Variants in BTD observed in about 807,000 individuals in gnomAD.
BTD encodes biocytinase.
Under a neutral mutation model 17.7 loss-of-function variants are expected in BTD, and 13 were observed. The observed-to-expected ratio is 0.74, with a 90% CI of 0.48 to 1.17. The LOEUF (loss-of-function observed/expected upper bound fraction) is 1.17, where lower values mean the gene tolerates loss of function less well. Ranked by LOEUF, BTD falls within the 50% of genes most tolerant of loss-of-function variation. BTD has a pLI of 0.00. For synonymous variants in BTD, 240 were observed against 245.2 expected (o/e 0.98, Z 0.20); for missense variants, 674 against 650.4 (o/e 1.04, Z -0.39).
At chr3:15,680,323 G>C (rs1193524340) in intron 3 of BTD, among the ~76,000 whole-genome samples, 1 of 151,986 alleles carries the variant, frequency 6.6e-6, no homozygotes, top group Non-Finnish European at 1.5e-5. Flanking sequence ...TCCTGTCTCA[G>C]CCTCCCAAGT....
At chr3:15,702,697 T>C (rs2070785644) in intron 3 of BTD, among the ~76,000 whole-genome samples, 1 of 152,114 alleles carries the variant, frequency 6.6e-6, no homozygotes, top group South Asian at 2.1e-4. Context: ...ATGTGTCCCA[T>C]GGCTAGTCAG....
At chr3:15,618,599 C>T (rs1020304952) in intron 1 of BTD, among the ~76,000 whole-genome samples, 1 of 152,100 alleles carries the variant, frequency 6.6e-6, no homozygotes, top group South Asian at 2.1e-4. Flanking sequence ...GATCTCGGCT[C>T]ACTGCAAGCT....
chr3:15,616,472 C>T lies in BTD; in HGVS notation c.-17+14578C>T, dbSNP rs536396416. The stretch of plus-strand genomic sequence containing the variant: ...CTCTACTAAAAATACAAAAATTAGC[C>T]GGTCGTGGTGGCAGGCGCCTGTAAT... On this transcript the variant is annotated intron_variant, in intron 1 of 3. Transcript: ENST00000643237. 2.6e-5 allele frequency among the ~76,000 whole-genome samples: 4 copies of T among 152,018 alleles called. No individual in the cohort carries two copies. The South Asian group carries it at 8.3e-4, about 32-fold the overall frequency.
At chr3:15,654,682 C>T (rs1216409907), downstream of BTD, among the ~76,000 whole-genome samples, 1 of 151,980 alleles carries the variant, frequency 6.6e-6, no homozygotes, top group Non-Finnish European at 1.5e-5. Flanking sequence ...AGCGATTCTC[C>T]TTCCTCAGCC....
chr3:15,698,508 A>T (rs1368107630), intron 3 of BTD, among the ~76,000 whole-genome samples: 1 of 152,224 alleles, frequency 6.6e-6, no homozygotes, highest in Non-Finnish European at 1.5e-5. Context: ...CTCAGCTCAA[A>T]ATCTCCTTAA....
intron 3 of BTD, among the ~76,000 whole-genome samples, chr3:15,698,129 G>C (rs1559358375): frequency 6.6e-6 from 1 of 151,830 alleles, no homozygotes; most frequent in African/African-American, 2.4e-5. Flanking sequence ...CATTAGTCTT[G>C]CTAGCGGTCT....
At chr3:15,705,432 A>C (rs1205623927) in intron 3 of BTD, among the ~76,000 whole-genome samples, 7 of 152,184 alleles carry the variant, frequency 4.6e-5, no homozygotes, top group Admixed American at 4.6e-4. Flanking sequence ...CTCTCAGCGG[A>C]ATCTGGATCA....
At chr3:15,720,964 G>A in intron 4 of BTD, 1 of 1,613,808 alleles carries the variant, frequency 6.2e-7, no homozygotes. Flanking sequence ...TAAACACAAT[G>A]CTCCATGTGT....
downstream of BTD, among the ~76,000 whole-genome samples, chr3:15,716,075 C>T (rs187496190): frequency 3.6e-4 from 54 of 151,414 alleles, no homozygotes; most frequent in Admixed American, 1.3e-3. Flanking sequence ...CTCCGCCTCC[C>T]GGGTTCAAGT....
Position 15,686,464 on chromosome 3 carries a change from C to T in BTD, c.400-23596C>T, listed in dbSNP as rs928134519. Reference sequence around the variant, plus strand: ...ACTATAGGTAAAAAGAAGGTTTCTACGGCCTTTGACTGTTAAAGCTGGAAT... The same window carrying T: ...ACTATAGGTAAAAAGAAGGTTTCTATGGCCTTTGACTGTTAAAGCTGGAAT... On this transcript the variant is annotated intron_variant, in intron 3 of 3. Coordinates refer to the BTD transcript ENST00000672141. 8.9e-5 allele frequency: 57 copies of T among 642,136 alleles called. 1 individual carries two copies. Among genetic ancestry groups the T allele is most frequent in the Middle Eastern group, 8.4e-4 (2 of 2,372 alleles). 39.8% of individuals were successfully genotyped at this position (642,136 alleles called of 1,614,324 possible).
intron 4 of BTD, among the ~76,000 whole-genome samples, chr3:15,719,920 G>C (rs909524651): frequency 6.6e-6 from 1 of 151,948 alleles, no homozygotes; most frequent in Non-Finnish European, 1.5e-5. Context: ...ACCCAGGCTG[G>C]AGGGCAGTAG....
rs2065819874 is a variant in BTD, at chr3:15,652,442, G to T, written c.*6954G>T. Among the ~76,000 whole-genome samples the T allele has an allele frequency of 6.6e-6, 1 of 152,186 alleles. No individual in the cohort carries two copies. The highest frequency in any genetic ancestry group is 2.1e-4 in the South Asian group (1 of 4,828). On this transcript the variant is annotated 3_prime_UTR_variant, in exon 4 of 4. Coordinates refer to ENST00000643237, the MANE Select transcript of BTD (RefSeq NM_001370658.1). Reference sequence around the variant, plus strand: ...GGATCCCTATGGACAGACCCATTTGGCAAGGAACAGCCACCAGCTAGCTGC... The same window carrying T: ...GGATCCCTATGGACAGACCCATTTGTCAAGGAACAGCCACCAGCTAGCTGC...
chr3:15,692,203 C>T (rs1320562223), intron 3 of BTD, among the ~76,000 whole-genome samples: 1 of 149,026 alleles, frequency 6.7e-6, no homozygotes, highest in Non-Finnish European at 1.5e-5. Flanking sequence ...TATATCTCAG[C>T]ACTTTGGCAG....
intron 3 of BTD, chr3:15,676,767 T>TTAATGTTATTAATGTCAATGTC: frequency 1.2e-5 from 5 of 420,876 alleles, no homozygotes; most frequent in Non-Finnish European, 1.7e-5. Context: ...GTCAATGTTA[T>TTAATGTTATTAATGTCAATGTC]AATAAAATTT....
intron 1 of BTD, chr3:15,630,070 A>T: frequency 2.0e-6 from 2 of 985,472 alleles, no homozygotes; most frequent in Non-Finnish European, 2.4e-6. Context: ...ACATCCAGTC[A>T]TATTGTATGA....
At chr3:15,719,218 A>G (rs1001155456) in intron 4 of BTD, among the ~76,000 whole-genome samples, 2 of 152,198 alleles carry the variant, frequency 1.3e-5, no homozygotes, top group African/African-American at 4.8e-5. Context: ...CTAATTACAG[A>G]TGGATTTGTT....
Position 15,645,239 on chromosome 3 carries a change from CA to C in BTD, c.1324del (p.Arg442GlyfsTer39), listed in dbSNP as rs397514420. 1.9e-6 allele frequency: 3 copies of C among 1,614,170 alleles called. No homozygotes were observed. In the East Asian group the frequency reaches 6.7e-5, roughly 36 times the overall value. On this transcript the variant is annotated frameshift_variant, in exon 4 of 4. Transcript: ENST00000643237. LOFTEE classifies it high-confidence loss of function. The part of the protein sequence containing the change: ...TYYIQVCALV[R>X]CGGLGFDTCG... ...ACTACATCCAAGTGTGTGCCCTGGT[CA>C]GGTGTGGGGGTCTTGGCTTCGACAC... is the stretch of plus-strand genomic sequence containing the variant.
intron 3 of BTD, among the ~76,000 whole-genome samples, chr3:15,675,316 G>A (rs892101831): frequency 4.6e-5 from 7 of 152,088 alleles, no homozygotes; most frequent in Admixed American, 3.3e-4. Flanking sequence ...AAGAATGAGA[G>A]GAATAACTGC....
chr3:15,694,869 C>G, intron 3 of BTD: 1 of 1,494,774 alleles, frequency 6.7e-7, no homozygotes, highest in South Asian at 1.1e-5. Flanking sequence ...CAATTATTCT[C>G]TCCCACCCAC....
Sources: allele counts gnomAD v4.1 joint callset (sites outside exome capture counted in the v4.1 genomes callset), GRCh38; gene constraint gnomAD v4.1.1; transcripts MANE v1.5; gene names NCBI Gene and HGNC (gene_info 2026-07-23, HGNC 2026-07-21).